SLC39A11: variants seen among roughly 807,000 people sequenced by gnomAD.
SLC39A11 encodes zinc transporter ZIP11.
In SLC39A11, 33 loss-of-function variants were observed where a neutral mutation model predicts 36.1. That is an observed-to-expected ratio of 0.91 (90% CI 0.69 to 1.22). The LOEUF is 1.22. SLC39A11 is among the 50% of genes most tolerant of loss of function. The pLI is 0.00. For synonymous variants in SLC39A11, 166 were observed against 170.3 expected (o/e 0.97, Z 0.20); for missense variants, 432 against 430.3 (o/e 1.00, Z -0.03).
chr17:72,717,332 T>C (rs2567504), intron 7 of SLC39A11, among the ~76,000 whole-genome samples: 15,575 of 152,082 alleles, frequency 0.1, 1,156 homozygotes, highest in African/African-American at 0.21. Flanking sequence ...TAACAGCTGC[T>C]GTGATGAAGT....
chr17:72,756,744 C>T (rs2075373302), intron 6 of SLC39A11, among the ~76,000 whole-genome samples: 1 of 152,000 alleles, frequency 6.6e-6, no homozygotes, highest in Admixed American at 6.6e-5. Flanking sequence ...TTTAATAATC[C>T]AAAACCACAG....
chr17:72,728,144 G>A (rs1323970466), intron 7 of SLC39A11, among the ~76,000 whole-genome samples: 3 of 152,098 alleles, frequency 2.0e-5, no homozygotes, highest in East Asian at 1.9e-4. Flanking sequence ...GGGGTCTAAC[G>A]CTTTCTGAAA....
intron 5 of SLC39A11, among the ~76,000 whole-genome samples, chr17:72,895,438 G>A (rs2081980969): frequency 6.6e-6 from 1 of 152,146 alleles, no homozygotes; most frequent in Admixed American, 6.5e-5. Flanking sequence ...AATCAGCTGG[G>A]CATGCTGGTG....
At chr17:72,789,527 C>A (rs1464268367) in intron 6 of SLC39A11, among the ~76,000 whole-genome samples, 4 of 152,178 alleles carry the variant, frequency 2.6e-5, no homozygotes, top group African/African-American at 9.7e-5. Flanking sequence ...TCCCTGGGAA[C>A]AGGCCTATAA....
chr17:72,922,732 C>G (rs2083746313), intron 5 of SLC39A11, among the ~76,000 whole-genome samples: 1 of 152,082 alleles, frequency 6.6e-6, no homozygotes, highest in Non-Finnish European at 1.5e-5. Context: ...CTTTGGGAGG[C>G]TGAGGTGGCC....
chr17:73,032,381 GTAT>G (rs555597786), intron 3 of SLC39A11, among the ~76,000 whole-genome samples: 1 of 151,918 alleles, frequency 6.6e-6, no homozygotes, highest in East Asian at 1.9e-4. Context: ...TAATTTTTCT[GTAT>G]TTTTTAGAGA....
intron 6 of SLC39A11, among the ~76,000 whole-genome samples, chr17:72,836,874 G>A (rs1239914830): frequency 6.6e-6 from 1 of 152,104 alleles, no homozygotes; most frequent in Non-Finnish European, 1.5e-5. Context: ...TACTGAGAAG[G>A]CCCCTCCAGT....
intron 4 of SLC39A11, among the ~76,000 whole-genome samples, chr17:72,948,123 C>G (rs895630182): frequency 1.3e-5 from 2 of 152,138 alleles, no homozygotes; most frequent in Admixed American, 6.6e-5. Flanking sequence ...CAGTGCTGAT[C>G]CTAAAAATGG....
At chr17:72,726,174 C>T (rs915493594) in intron 7 of SLC39A11, among the ~76,000 whole-genome samples, 4 of 152,150 alleles carry the variant, frequency 2.6e-5, no homozygotes, top group Admixed American at 2.0e-4. Flanking sequence ...CTGCCTGGGG[C>T]AGGTCTAGGC....
chr17:73,081,700 T>C (rs1459445351), intron 3 of SLC39A11, among the ~76,000 whole-genome samples: 1 of 146,148 alleles, frequency 6.8e-6, no homozygotes, highest in African/African-American at 2.6e-5. Context: ...TATATATGTA[T>C]GTATATATAT....
At chr17:72,866,044 C>A (rs1383786394) in intron 5 of SLC39A11, among the ~76,000 whole-genome samples, 1 of 152,154 alleles carries the variant, frequency 6.6e-6, no homozygotes, top group Non-Finnish European at 1.5e-5. Context: ...GGTCATGAAC[C>A]AGTATCCGTC....
chr17:72,706,552 A>G (rs1291800919), intron 7 of SLC39A11, among the ~76,000 whole-genome samples: 1 of 152,222 alleles, frequency 6.6e-6, no homozygotes, highest in Admixed American at 6.5e-5. Flanking sequence ...GTGGCAAAAC[A>G]AATAATTACT....
At chr17:72,780,819 G>C (rs60196711) in intron 6 of SLC39A11, among the ~76,000 whole-genome samples, 5,648 of 151,944 alleles carry the variant, frequency 0.037, 331 homozygotes, top group African/African-American at 0.13. Flanking sequence ...GAAACCCCGT[G>C]TCTACTAAAA....
At chr17:72,686,542 G>A (rs904031671) in intron 7 of SLC39A11, among the ~76,000 whole-genome samples, 3 of 147,524 alleles carry the variant, frequency 2.0e-5, no homozygotes, top group African/African-American at 7.6e-5. Flanking sequence ...CTGCTTGGCA[G>A]GTGGAGCTCC....
At chr17:72,953,459 A>G (rs564173882) in intron 4 of SLC39A11, among the ~76,000 whole-genome samples, 17 of 152,272 alleles carry the variant, frequency 1.1e-4, no homozygotes, top group African/African-American at 4.1e-4. Context: ...ACAAAACAAT[A>G]TGTATATCTC....
Position 72,989,518 on chromosome 17 carries a change from C to T in SLC39A11, c.307-41643G>A, listed in dbSNP as rs377489948. On this transcript the variant is annotated intron_variant, in intron 4 of 9. Coordinates refer to ENST00000255559, the MANE Select transcript of SLC39A11 (RefSeq NM_139177.4). ...AAGACATAGATTACCTTTAAATGAT[C>T]TAGTCTTGTATCTGTTTTTGCCTTC... Among the ~76,000 whole-genome samples, 6 of 152,284 alleles carry T rather than the reference C, an allele frequency of 3.9e-5. No individual in the cohort carries two copies. In the East Asian group the frequency reaches 5.8e-4, roughly 15 times the overall value.
chr17:72,654,024 T>C (rs1809614006), intron 7 of SLC39A11, among the ~76,000 whole-genome samples: 1 of 152,164 alleles, frequency 6.6e-6, no homozygotes, highest in African/African-American at 2.4e-5. Flanking sequence ...TCCCTTGTGT[T>C]TAAAATGTGC....
intron 5 of SLC39A11, among the ~76,000 whole-genome samples, chr17:72,911,349 C>T (rs67914355): frequency 0.51 from 77,315 of 151,254 alleles, 19,733 homozygotes; most frequent in African/African-American, 0.54. Context: ...CACACCAACA[C>T]GGCACATGTA....
At chr17:73,002,462 A>G (rs1233848299) in intron 4 of SLC39A11, among the ~76,000 whole-genome samples, 3 of 152,218 alleles carry the variant, frequency 2.0e-5, no homozygotes, top group Admixed American at 6.5e-5. Context: ...CTCTTACTTA[A>G]CATGTGCAAA....
Sources: allele counts gnomAD v4.1 joint callset (sites outside exome capture counted in the v4.1 genomes callset), GRCh38; gene constraint gnomAD v4.1.1; transcripts MANE v1.5; gene names NCBI Gene and HGNC (gene_info 2026-07-23, HGNC 2026-07-21).